Variants in DMD observed in about 807,000 individuals in gnomAD.
DMD encodes dystrophin.
A neutral mutation model predicts 330.1 loss-of-function variants in DMD; 63 were observed. The ratio of observed to expected loss-of-function variants is 0.19; its 90% CI spans 0.16 to 0.24. DMD has a LOEUF of 0.24. DMD is among the 10% of genes least tolerant of loss of function. DMD has a pLI of 1.00. For synonymous variants in DMD, 1,223 were observed against 959.8 expected (o/e 1.27, Z -5.07); for missense variants, 3,344 against 2,684.1 (o/e 1.25, Z -5.43).
chrX:33,142,844 A>C (rs1040948051), intron 1 of DMD, among the ~76,000 whole-genome samples: 4 of 112,209 alleles, frequency 3.6e-5, no homozygotes, highest in African/African-American at 6.5e-5. Flanking sequence ...TGCGTGCTAA[A>C]GCATAGGCTT....
chrX:31,326,389 A>C (rs2056789189), intron 61 of DMD, among the ~76,000 whole-genome samples: 1 of 111,109 alleles, frequency 9.0e-6, no homozygotes, highest in South Asian at 3.8e-4. Flanking sequence ...TGCAGTTCTT[A>C]AGTGTTCATT....
chrX:32,338,713 G>T (rs2097726977), intron 41 of DMD, among the ~76,000 whole-genome samples: 1 of 110,880 alleles, frequency 9.0e-6, no homozygotes, highest in Non-Finnish European at 1.9e-5. Flanking sequence ...GACCCTTGGG[G>T]GTTGTAGTGG....
At chrX:31,890,537 A>T (rs376077152) in intron 47 of DMD, among the ~76,000 whole-genome samples, 12 of 111,533 alleles carry the variant, frequency 1.1e-4, no homozygotes, top group African/African-American at 3.9e-4. Flanking sequence ...GGGCAGAGAA[A>T]GACCATACTC....
chrX:31,981,168 A>G (rs111511180), intron 44 of DMD, among the ~76,000 whole-genome samples: 2 of 111,835 alleles, frequency 1.8e-5, no homozygotes, highest in East Asian at 2.8e-4. Context: ...ATCAATTTAG[A>G]CAATCTATAA....
chrX:32,640,145 T>C (rs1480878959), intron 11 of DMD, among the ~76,000 whole-genome samples: 1 of 109,398 alleles, frequency 9.1e-6, no homozygotes, highest in Non-Finnish European at 1.9e-5. Flanking sequence ...AAATATCAAA[T>C]TACATATAAA....
At chrX:32,522,395 G>A (rs189472862) in intron 17 of DMD, among the ~76,000 whole-genome samples, 1 of 111,449 alleles carries the variant, frequency 9.0e-6, no homozygotes, top group East Asian at 2.8e-4. Context: ...TACTTAGATT[G>A]GGGGTACATG....
intron 63 of DMD, among the ~76,000 whole-genome samples, chrX:31,233,882 C>CTT (rs1221358552): frequency 8.9e-6 from 1 of 111,854 alleles, no homozygotes; most frequent in Non-Finnish European, 1.9e-5. Context: ...TCTGCAGACT[C>CTT]TTTTTTTGTG....
chrX:33,211,190 A>G, intron 1 of DMD, 92 bp downstream of exon 1: 4 of 1,056,294 alleles, frequency 3.8e-6, no homozygotes, highest in Non-Finnish European at 5.2e-6. Flanking sequence ...AACTACTGTG[A>G]TAATTTAAAA....
intron 9 of DMD, among the ~76,000 whole-genome samples, chrX:32,694,448 T>A (rs6527220): frequency 0.14 from 15,600 of 111,019 alleles, 2,635 homozygotes; most frequent in African/African-American, 0.48. Flanking sequence ...GTGGCAACTC[T>A]ATTTGGCCAG....
intron 9 of DMD, among the ~76,000 whole-genome samples, chrX:32,678,610 T>G (rs1458585950): frequency 1.8e-5 from 2 of 111,101 alleles, no homozygotes; most frequent in African/African-American, 6.6e-5. Context: ...CAGGCCAATA[T>G]GAGTACATTC....
At chrX:32,839,127 C>T (rs1415395884) in intron 4 of DMD, among the ~76,000 whole-genome samples, 2 of 111,169 alleles carry the variant, frequency 1.8e-5, no homozygotes, top group Non-Finnish European at 3.8e-5. Flanking sequence ...CCAACAATGG[C>T]TCACCATGCT....
At chrX:32,590,029 G>C (rs2054722734) in intron 13 of DMD, among the ~76,000 whole-genome samples, 1 of 111,919 alleles carries the variant, frequency 8.9e-6, no homozygotes, top group South Asian at 3.7e-4. Flanking sequence ...AGGAAAATCA[G>C]AATACCTCAA....
intron 67 of DMD, among the ~76,000 whole-genome samples, chrX:31,191,191 A>ATGTG (rs34438085): frequency 0.015 from 1,625 of 107,178 alleles, 43 homozygotes; most frequent in African/African-American, 0.053. Flanking sequence ...TACAATGTGT[A>ATGTG]TGTGTGTGTG....
intron 47 of DMD, among the ~76,000 whole-genome samples, chrX:31,918,117 T>C (rs1358994308): frequency 8.9e-6 from 1 of 112,846 alleles, no homozygotes; most frequent in African/African-American, 3.2e-5. Context: ...GGCACGTGGA[T>C]CTTTACCCCT....
At chrX:32,410,797 A>T (rs2098138496) in intron 30 of DMD, among the ~76,000 whole-genome samples, 4 of 112,602 alleles carry the variant, frequency 3.6e-5, no homozygotes, top group African/African-American at 1.3e-4. Context: ...CATTTTAAAA[A>T]TACTTCTTAC....
chrX:32,695,522 A>T (rs1324360100), intron 9 of DMD, among the ~76,000 whole-genome samples: 9 of 111,636 alleles, frequency 8.1e-5, no homozygotes, highest in African/African-American at 2.9e-4. Context: ...AGCGAAAAAA[A>T]TTGTATTATT....
At chrX:31,261,152 CAT>C (rs749393694) in intron 62 of DMD, 136 bp from the exon 63 acceptor site, 1,363 of 530,495 alleles carry the variant, frequency 2.6e-3, no homozygotes, top group Non-Finnish European at 3.2e-3. Flanking sequence ...AAAGCGCTTC[CAT>C]AGTGTATTGA....
chrX:31,827,950 A>G (rs1221625183), intron 49 of DMD, among the ~76,000 whole-genome samples: 2 of 112,149 alleles, frequency 1.8e-5, no homozygotes, highest in East Asian at 5.6e-4. Context: ...GTTAAATACT[A>G]CATCAAAAAT....
chrX:32,818,161 A>G (rs2077913306), intron 5 of DMD, among the ~76,000 whole-genome samples: 1 of 112,025 alleles, frequency 8.9e-6, no homozygotes, highest in East Asian at 2.8e-4. Flanking sequence ...ATAGTGGCTT[A>G]ATGGTGGTAA....
Sources: allele counts gnomAD v4.1 joint callset (sites outside exome capture counted in the v4.1 genomes callset), GRCh38; gene constraint gnomAD v4.1.1; transcripts MANE v1.5; gene names NCBI Gene and HGNC (gene_info 2026-07-23, HGNC 2026-07-21).